The following TSHZ2 variants were observed in gnomAD, a reference collection of about 807,000 sequenced individuals.
TSHZ2 encodes the protein teashirt zinc finger homeobox 2, also known as teashirt homolog 2.
Under a neutral mutation model 74.4 loss-of-function variants are expected in TSHZ2, and 21 were observed. The ratio of observed to expected loss-of-function variants is 0.28; its 90% CI spans 0.20 to 0.41. TSHZ2 has a LOEUF of 0.41. Ranked by LOEUF, TSHZ2 falls within the 10% of genes least tolerant of loss-of-function variation. The pLI is 1.00. For synonymous variants in TSHZ2, 540 were observed against 515.3 expected (o/e 1.05, Z -0.65); for missense variants, 1,244 against 1,293.5 (o/e 0.96, Z 0.59).
rs1221999771 is a variant in TSHZ2 at position 53,487,738 on chromosome 20, T to G, written c.*603T>G. 1 of 152,166 alleles carries G rather than the reference T, an allele frequency of 6.6e-6. No individual in the cohort carries two copies. The highest frequency in any genetic ancestry group is 6.6e-5 in the Admixed American group (1 of 15,252). 9.4% of individuals were successfully genotyped at this position (152,166 alleles called of 1,614,324 possible). Reference sequence around the variant, plus strand: ...TAGGGGACCATTAATCACTGCAAAGTAGAAGAATTATTAAGTTAAACCAGA... The same window carrying G: ...TAGGGGACCATTAATCACTGCAAAGGAGAAGAATTATTAAGTTAAACCAGA... On this transcript the variant is annotated 3_prime_UTR_variant, in exon 3 of 3. Transcript: ENST00000371497.
intron 1 of TSHZ2, among the ~76,000 whole-genome samples, chr20:53,188,229 G>A (rs1988646974): frequency 6.6e-6 from 1 of 152,066 alleles, no homozygotes; most frequent in Admixed American, 6.5e-5. Flanking sequence ...GGAGGGGAGG[G>A]CCAGCCATGT....
chr20:53,311,991 G>A (rs1289708543), intron 2 of TSHZ2, among the ~76,000 whole-genome samples: 1 of 152,106 alleles, frequency 6.6e-6, no homozygotes, highest in South Asian at 2.1e-4. Context: ...TGAGGTGGGA[G>A]GATCATTTGA....
At chr20:53,345,695 A>G (rs537406289) in intron 2 of TSHZ2, among the ~76,000 whole-genome samples, 24 of 117,654 alleles carry the variant, frequency 2.0e-4, no homozygotes, top group African/African-American at 6.9e-4. Flanking sequence ...TCTGTTGATT[A>G]TATCTTTCAT....
At chr20:53,035,083 C>T (rs146045950) in intron 1 of TSHZ2, among the ~76,000 whole-genome samples, 54 of 152,288 alleles carry the variant, frequency 3.5e-4, no homozygotes, top group Admixed American at 3.2e-3. Context: ...ACGTGGTTTG[C>T]AGGCAGCACC....
At chr20:53,301,056 C>A (rs144425377) in intron 2 of TSHZ2, among the ~76,000 whole-genome samples, 1 of 151,954 alleles carries the variant, frequency 6.6e-6, no homozygotes, top group Non-Finnish European at 1.5e-5. Flanking sequence ...TTCACGTCCC[C>A]GGTTCAAGCA....
At chr20:53,253,258 TG>T (rs1990367598) in intron 1 of TSHZ2, among the ~76,000 whole-genome samples, 1 of 146,846 alleles carries the variant, frequency 6.8e-6, no homozygotes, top group African/African-American at 2.5e-5. Context: ...ATTATTAACT[TG>T]GGATCCTAGG....
chr20:53,309,047 G>T (rs568253617), intron 2 of TSHZ2, among the ~76,000 whole-genome samples: 1 of 152,186 alleles, frequency 6.6e-6, no homozygotes, highest in Non-Finnish European at 1.5e-5. Context: ...AGGTTTGTTC[G>T]CCAACAGGCA....
At chr20:53,049,819 C>T (rs144126033) in intron 1 of TSHZ2, among the ~76,000 whole-genome samples, 4 of 152,096 alleles carry the variant, frequency 2.6e-5, no homozygotes, top group East Asian at 1.9e-4. Flanking sequence ...CAGTGGCTCA[C>T]GCCTGTAATC....
chr20:53,199,392 T>G (rs1988946276), intron 1 of TSHZ2, among the ~76,000 whole-genome samples: 1 of 152,150 alleles, frequency 6.6e-6, no homozygotes. Flanking sequence ...GAGAATTGCT[T>G]GAGCCTGGGA....
At chr20:53,264,197 T>G (rs1990660872) in intron 2 of TSHZ2, among the ~76,000 whole-genome samples, 1 of 152,216 alleles carries the variant, frequency 6.6e-6, no homozygotes, top group African/African-American at 2.4e-5. Flanking sequence ...ATGGTATTTG[T>G]CTAATCCTCA....
intron 1 of TSHZ2, among the ~76,000 whole-genome samples, chr20:53,177,016 GTTA>G (rs1489871322): frequency 6.6e-6 from 1 of 151,926 alleles, no homozygotes; most frequent in African/African-American, 2.4e-5. Flanking sequence ...ATTTATTTTT[GTTA>G]TTATTGTAGA....
chr20:53,439,149 C>T (rs982549872), intron 2 of TSHZ2, among the ~76,000 whole-genome samples: 2 of 152,164 alleles, frequency 1.3e-5, no homozygotes, highest in Non-Finnish European at 2.9e-5. Context: ...AATGTACCTA[C>T]TGACTTTGCA....
chr20:53,085,303 C>T (rs1167389262), intron 1 of TSHZ2, among the ~76,000 whole-genome samples: 3 of 151,882 alleles, frequency 2.0e-5, no homozygotes, highest in African/African-American at 4.8e-5. Flanking sequence ...GGGCGGAGGT[C>T]GCAGTGAGCC....
intron 1 of TSHZ2, among the ~76,000 whole-genome samples, chr20:53,077,786 T>C (rs1024426355): frequency 1.3e-5 from 2 of 152,244 alleles, no homozygotes; most frequent in African/African-American, 4.8e-5. Flanking sequence ...GACTAATGTT[T>C]GGATTACATC....
intron 1 of TSHZ2, among the ~76,000 whole-genome samples, chr20:53,083,552 GAACA>G (rs1226950184): frequency 2.0e-5 from 3 of 152,180 alleles, no homozygotes; most frequent in Non-Finnish European, 4.4e-5. Flanking sequence ...CTGATAAAAA[GAACA>G]AACAGTTTTC....
chr20:53,482,773 G>C (rs1300935013), intron 2 of TSHZ2, among the ~76,000 whole-genome samples: 1 of 151,484 alleles, frequency 6.6e-6, no homozygotes, highest in Non-Finnish European at 1.5e-5. Context: ...AGGTGTGCTG[G>C]TGCACACCTG....
At chr20:53,235,156 G>T (rs1989914002) in intron 1 of TSHZ2, among the ~76,000 whole-genome samples, 1 of 144,102 alleles carries the variant, frequency 6.9e-6, no homozygotes, top group African/African-American at 2.5e-5. Context: ...GGGAATGGGG[G>T]AGGGCGTGTT....
intron 1 of TSHZ2, among the ~76,000 whole-genome samples, chr20:53,193,770 A>G (rs866955477): frequency 1.3e-5 from 2 of 152,196 alleles, no homozygotes; most frequent in African/African-American, 4.8e-5. Context: ...CGCTGTAGGA[A>G]AGCAGGTCTC....
At chr20:52,987,664 A>C (rs538339718) in intron 1 of TSHZ2, among the ~76,000 whole-genome samples, 4 of 152,286 alleles carry the variant, frequency 2.6e-5, no homozygotes, top group Non-Finnish European at 4.4e-5. Flanking sequence ...AAGGCTCTCT[A>C]TTGTGTTACA....
Sources: gnomAD v4.1 joint callset for allele counts (sites outside exome capture counted in the v4.1 genomes callset) on GRCh38, gnomAD v4.1.1 for gene constraint, MANE v1.5 for transcripts, NCBI Gene and HGNC (gene_info 2026-07-23, HGNC 2026-07-21) for gene names.